Variants in ZNF641 observed in about 807,000 individuals in gnomAD.
The protein encoded by ZNF641 is zinc finger protein 641.
In ZNF641, 26 loss-of-function variants were observed where a neutral mutation model predicts 46.2. That is an observed-to-expected ratio of 0.56 (90% confidence interval 0.41 to 0.78). ZNF641 has a LOEUF of 0.78. Ranked by LOEUF, ZNF641 falls within the 30% of genes least tolerant of loss-of-function variation. ZNF641 has a pLI of 0.00. For missense variants in ZNF641, 469 were observed against 517.8 expected (o/e 0.91, Z 0.91); for synonymous variants, 163 against 187.9 (o/e 0.87, Z 1.09).
chr12:48,337,030 C>CT (rs1312574875), downstream of ZNF641: 1 of 152,256 alleles, frequency 6.6e-6, no homozygotes. Flanking sequence ...CAACCTGTTG[C>CT]TTCTGGAGGC....
rs1952753206 is a variant in ZNF641 at position 48,342,877 on chromosome 12, T to C, written c.*96A>G. 1 of 1,502,414 alleles carries C rather than the reference T, an allele frequency of 6.7e-7. No homozygotes were observed. Among genetic ancestry groups the C allele is most frequent in the Non-Finnish European group, 8.8e-7 (1 of 1,134,886 alleles). The allele number at this position is 1,502,414 out of a possible 1,614,324, so 93.1% of individuals were successfully genotyped here. On this transcript the variant is annotated 3_prime_UTR_variant, in exon 6 of 6. Transcript: ENST00000547026. ...CTAGGGATGGGGTCAGGGCTTATGA[T>C]TCTGGCCACTGGGGTTCAGGAGAAC...
chr12:48,335,974 T>C (rs1011164966), downstream of ZNF641, among the ~76,000 whole-genome samples: 2 of 152,222 alleles, frequency 1.3e-5, no homozygotes, highest in African/African-American at 4.8e-5. Flanking sequence ...ATTGTTGGAT[T>C]TGAGTTGTAA....
At chr12:48,347,871 T>A (rs765349085) in intron 2 of ZNF641, 36 bp downstream of exon 2, 1 of 1,591,990 alleles carries the variant, frequency 6.3e-7, no homozygotes, top group East Asian at 2.2e-5. Context: ...TAGGAGACTA[T>A]GCACTGTGCT....
intron 4 of ZNF641, 91 bp from the exon 5 acceptor site, chr12:48,344,803 G>T: frequency 2.6e-6 from 2 of 773,596 alleles, no homozygotes; most frequent in Non-Finnish European, 4.2e-6. Context: ...GTTTCCTATT[G>T]TTTGGAACTC....
At chr12:48,344,920 A>G (rs1952826359) in intron 4 of ZNF641, 2 of 542,912 alleles carry the variant, frequency 3.7e-6, no homozygotes, top group South Asian at 4.4e-5. Context: ...CTCCTTCCCA[A>G]TGAACCTGTT....
chr12:48,336,668 C>T (rs1952607155), downstream of ZNF641, among the ~76,000 whole-genome samples: 3 of 152,210 alleles, frequency 2.0e-5, no homozygotes, highest in South Asian at 6.2e-4. Flanking sequence ...ACCCTATCCT[C>T]TCAATCTCAG....
chr12:48,345,670 T>G (rs967276626), intron 3 of ZNF641, among the ~76,000 whole-genome samples, 196 bp from the exon 4 acceptor site: 2 of 151,874 alleles, frequency 1.3e-5, no homozygotes, highest in Non-Finnish European at 2.9e-5. Flanking sequence ...GGTCAAGGAG[T>G]GAGTGAGTGT....
At position 48,339,140 on chromosome 12, in the gene ZNF641, G is replaced by A. The variant is rs1277207724; in HGVS notation, c.*3833C>T. On this transcript the variant is annotated 3_prime_UTR_variant, in exon 6 of 6. Transcript: ENST00000547026. The stretch of plus-strand genomic sequence containing the variant: ...TTGCCCCACCATAGTTTCTGATATT[G>A]GTGACTAGCCCCAGTTCTTTTACTG... The A allele has an allele frequency of 6.6e-6, 1 of 152,108 alleles. No individual in the cohort carries two copies. The highest frequency in any genetic ancestry group is 1.5e-5 in the Non-Finnish European group (1 of 68,034). The allele number at this position is 152,108 out of a possible 1,614,324, so 9.4% of individuals were successfully genotyped here.
chr12:48,337,061 C>T (rs752360088), downstream of ZNF641: 1 of 152,204 alleles, frequency 6.6e-6, no homozygotes, highest in Non-Finnish European at 1.5e-5. Context: ...GGCAGTGAGA[C>T]GAGTTCGTTC....
chr12:48,350,904 C>G lies in ZNF641; in HGVS notation c.-144G>C. Reference sequence around the variant, plus strand: ...CGGCGGAGCCAGCGACAGGCGGAGACGGCGGCCCGGCAGGCGCGGGCGGGG... The same window carrying G: ...CGGCGGAGCCAGCGACAGGCGGAGAGGGCGGCCCGGCAGGCGCGGGCGGGG... On this transcript the variant is annotated 5_prime_UTR_variant, in exon 1 of 6. Coordinates refer to ENST00000547026, the MANE Select transcript of ZNF641 (RefSeq NM_001172681.2). 1.0e-6 allele frequency: 1 copy of G among 979,798 alleles called. No homozygotes were observed. Among genetic ancestry groups the G allele is most frequent in the Non-Finnish European group, 1.2e-6 (1 of 825,018 alleles). The allele number at this position is 979,798 out of a possible 1,614,324, so 60.7% of individuals were successfully genotyped here.
Position 48,345,494 on chromosome 12 carries a change from C to T in ZNF641, c.277-20G>A. On this transcript the variant is annotated intron_variant, in intron 3 of 5. Transcript: ENST00000547026. The stretch of plus-strand genomic sequence containing the variant: ...CAGGCCCTGAAACAAAATGTAGCAT[C>T]TTCTGTCAGCAGCTGTTTTTTAAGG... 1 of 1,613,688 alleles carries T rather than the reference C, an allele frequency of 6.2e-7. No homozygotes were observed.
intron 1 of ZNF641, among the ~76,000 whole-genome samples, chr12:48,349,694 A>G (rs1204939378): frequency 6.6e-6 from 1 of 152,224 alleles, no homozygotes; most frequent in Admixed American, 6.5e-5. Flanking sequence ...GAGACTTTTC[A>G]TGAGAAAGGA....
In ZNF641 at chr12:48,340,055, G is replaced by A. The variant is rs578100238; in HGVS notation, c.*2918C>T. The A allele has an allele frequency of 3.3e-5, 33 of 985,414 alleles. No homozygotes were observed. The African/African-American group carries it at 5.6e-4, about 17-fold the overall frequency. 61.0% of individuals were successfully genotyped at this position (985,414 alleles called of 1,614,324 possible). ...ACACAGAGATTCTTTTTATTTAAAG[G>A]GGACGGGGTGAAACATGAACATTTG... On this transcript the variant is annotated 3_prime_UTR_variant, in exon 6 of 6. Transcript: ENST00000547026.
chr12:48,351,027 A>AGGGAGAGGAGTGGGAGGGAGAGGAGT (rs1215642085), upstream of ZNF641: 1 of 66,982 alleles, frequency 1.5e-5, no homozygotes, highest in Non-Finnish European at 2.9e-5. Context: ...GAGGAGTGGG[A>AGGGAGAGGAGTGGGAGGGAGAGGAGT]GGGAGGGAGG....
Position 48,347,309 on chromosome 12 carries a change from C to A in ZNF641, c.219G>T (p.Gln73His). Residue 73 changes from glutamine (Q) to histidine (H), a missense_variant, in exon 3 of 6, where the codon CAG (glutamine) becomes CAT (histidine). This residue lies in a region of ZNF641 where 98 missense variants were observed against 105.7 expected (regional missense o/e 0.93). Transcript: ENST00000547026. ...TCTCCCAGTCTCCAGTGTTCCCCTC[C>A]TGGGGAATTGCAGGAACCCAGGGAG... ...QSAPWVPAIP[Q>H]EGNTGDWEMA... The A allele has an allele frequency of 6.2e-7, 1 of 1,613,432 alleles. No individual in the cohort carries two copies. The highest frequency in any genetic ancestry group is 8.5e-7 in the Non-Finnish European group (1 of 1,179,564).
In ZNF641 at chr12:48,349,192, G is replaced by C. The variant is rs542782147; in HGVS notation, c.-25-1077C>G. On this transcript the variant is annotated intron_variant, in intron 1 of 5. Transcript: ENST00000547026. ...TCTTGATTGCAAGAGAAGAGATTTA[G>C]GTTATTTTTTTTTAATTCTTAATAA... Among the ~76,000 whole-genome samples the C allele has an allele frequency of 2.0e-5, 3 of 152,162 alleles. No homozygotes were observed. The East Asian group carries it at 5.8e-4, about 29-fold the overall frequency.
At position 48,337,638 on chromosome 12, in the gene ZNF641, G is replaced by C. The variant is rs1288633505; in HGVS notation, c.*5335C>G. On this transcript the variant is annotated 3_prime_UTR_variant, in exon 6 of 6. Coordinates refer to ENST00000547026, the MANE Select transcript of ZNF641 (RefSeq NM_001172681.2). ...GATTGAGACCATCCTGGCTAACACC[G>C]TGAAACCCCGTCTCTACTAAAAAAA... 6.8e-6 allele frequency: 1 copy of C among 147,272 alleles called. No individual in the cohort carries two copies. Among genetic ancestry groups the C allele is most frequent in the East Asian group, 2.0e-4 (1 of 5,080 alleles). The allele number at this position is 147,272 out of a possible 1,614,324, so 9.1% of individuals were successfully genotyped here. A position where few individuals can be genotyped will look rare whatever the true frequency, so the allele number is the denominator to read the frequency against.
At position 48,342,264 on chromosome 12, in the gene ZNF641, C is replaced by A; in HGVS notation, c.*709G>T. The stretch of plus-strand genomic sequence containing the variant: ...ATGGGTAAAAAGGTTATTTTTTCAG[C>A]AGGTGAGGGTGAGAGGTGATGTATA... On this transcript the variant is annotated 3_prime_UTR_variant, in exon 6 of 6. Transcript: ENST00000547026. 3.0e-6 allele frequency: 3 copies of A among 985,338 alleles called. No homozygotes were observed. The highest frequency in any genetic ancestry group is 2.4e-6 in the Non-Finnish European group (2 of 829,962). The allele number at this position is 985,338 out of a possible 1,614,324, so 61.0% of individuals were successfully genotyped here.
At chr12:48,344,521 G>A (rs1952809608) in intron 5 of ZNF641, 78 bp downstream of exon 5, 2 of 919,556 alleles carry the variant, frequency 2.2e-6, no homozygotes, top group African/African-American at 1.7e-5. Flanking sequence ...CTGAGGCAGA[G>A]GAGGGATTAA....
Sources: gnomAD v4.1 joint callset for allele counts (sites outside exome capture counted in the v4.1 genomes callset) on GRCh38, gnomAD v4.1.1 for gene constraint, gnomAD v4.1.1 regional missense constraint, MANE v1.5 for transcripts, NCBI Gene and HGNC (gene_info 2026-07-23, HGNC 2026-07-21) for gene names.